PTPRZ1: variants seen among roughly 807,000 people sequenced by gnomAD.
PTPRZ1 encodes the protein receptor-type tyrosine-protein phosphatase zeta.
PTPRZ1 carries 82 observed loss-of-function variants against 214.1 expected under a neutral mutation model. That is an observed-to-expected ratio of 0.38 (90% CI 0.32 to 0.46). The LOEUF is 0.46. PTPRZ1 is among the 20% of genes least tolerant of loss of function. PTPRZ1 has a pLI of 1.00. For synonymous variants in PTPRZ1, 945 were observed against 987.9 expected, an observed-to-expected ratio of 0.96 and a Z score of 0.81; for missense variants, 2,603 against 2,748.7, an observed-to-expected ratio of 0.95 and a Z score of 1.19.
intron 4 of PTPRZ1, 137 bp from the exon 5 acceptor site, chr7:121,976,036 G>A: frequency 2.0e-6 from 1 of 506,108 alleles, no homozygotes; most frequent in Non-Finnish European, 3.4e-6. Context: ...CTTATTGAAG[G>A]ATGGTAAATG....
chr7:121,917,699 A>G (rs906034781), intron 1 of PTPRZ1, among the ~76,000 whole-genome samples: 2 of 152,182 alleles, frequency 1.3e-5, no homozygotes, highest in Non-Finnish European at 2.9e-5. Context: ...GTAAAAATAT[A>G]TATCCCTATT....
chr7:121,936,877 C>T lies in PTPRZ1; in HGVS notation c.124+8656C>T, dbSNP rs1273451246. ...GCAGAGTCAGGAGCTTGTGAAATTA[C>T]AGTGGCAAACAGAAACGAGCAAACA... On this transcript the variant is annotated intron_variant, in intron 2 of 29. Transcript: ENST00000393386. Among the ~76,000 whole-genome samples, 11 of 152,202 alleles carry T rather than the reference C, an allele frequency of 7.2e-5. No individual in the cohort carries two copies. In the East Asian group the frequency reaches 2.1e-3, roughly 29 times the overall value.
At chr7:121,883,887 A>C (rs1406916549) in intron 1 of PTPRZ1, among the ~76,000 whole-genome samples, 2 of 152,168 alleles carry the variant, frequency 1.3e-5, no homozygotes, top group African/African-American at 4.8e-5. Flanking sequence ...CGGCCTCCCA[A>C]AGTGCTGGGA....
Position 122,011,208 on chromosome 7 carries a change from C to G in PTPRZ1, c.2162C>G (p.Thr721Ser). The change falls in exon 12 of 30, where the codon ACT (threonine) becomes AGT (serine). Residue 721 changes from threonine to serine, a missense_variant. Around this residue, in one of 6 missense-constraint regions of PTPRZ1, gnomAD observed 1,913 missense variants for 1,914.3 expected, o/e 1.00. Coordinates refer to ENST00000393386, the MANE Select transcript of PTPRZ1 (RefSeq NM_002851.3). ...PHYSTFAYFP[T>S]EVTPHAFTPS... ...TATTCTACCTTTGCCTACTTCCCAA[C>G]TGAGGTAACACCTCATGCTTTTACC... 1 of 1,614,138 alleles carries G rather than the reference C, an allele frequency of 6.2e-7. No individual in the cohort carries two copies. The highest frequency in any genetic ancestry group is 1.1e-5 in the South Asian group (1 of 91,082).
intron 6 of PTPRZ1, among the ~76,000 whole-genome samples, chr7:121,977,435 AGAG>A (rs1329021872): frequency 3.9e-5 from 6 of 152,222 alleles, no homozygotes; most frequent in African/African-American, 1.4e-4. Context: ...CAACATGGGC[AGAG>A]GAGTGTAAGC....
chr7:121,960,204 A>C (rs1796833725), intron 2 of PTPRZ1, among the ~76,000 whole-genome samples: 2 of 151,972 alleles, frequency 1.3e-5, no homozygotes, highest in South Asian at 4.2e-4. Flanking sequence ...ACGCCTGGCT[A>C]ATTTTTTTGT....
intron 1 of PTPRZ1, among the ~76,000 whole-genome samples, chr7:121,903,559 A>G (rs1165867659): frequency 6.6e-6 from 1 of 152,210 alleles, no homozygotes; most frequent in Non-Finnish European, 1.5e-5. Flanking sequence ...AATCAATGGA[A>G]TATAAATATG....
chr7:121,944,698 A>C (rs913771837), intron 2 of PTPRZ1, among the ~76,000 whole-genome samples: 4 of 151,660 alleles, frequency 2.6e-5, no homozygotes, highest in African/African-American at 9.7e-5. Context: ...GCTGGAGTGC[A>C]GTGGGGTGAT....
Position 122,042,740 on chromosome 7 carries a change from T to C in PTPRZ1, c.5934T>C (p.Thr1978=). 1.2e-6 allele frequency: 2 copies of C among 1,609,670 alleles called. No individual in the cohort carries two copies. The highest frequency in any genetic ancestry group is 1.7e-5 in the Admixed American group (1 of 59,836). The change falls in exon 22 of 30, where the codon ACT becomes ACC. Residue 1978 remains threonine (T), a synonymous_variant. Coordinates refer to ENST00000393386, the MANE Select transcript of PTPRZ1 (RefSeq NM_002851.3). ...IRSQRNYLVQ[T]EEQYVFIHDT... Reference sequence around the variant, plus strand: ...CACAAAGAAATTATTTGGTACAAACTGAGGTATGATTTTTAAAAAGATGAT... The same window carrying C: ...CACAAAGAAATTATTTGGTACAAACCGAGGTATGATTTTTAAAAAGATGAT...
intron 15 of PTPRZ1, among the ~76,000 whole-genome samples, chr7:122,032,454 G>A (rs1799408634): frequency 6.6e-6 from 1 of 152,148 alleles, no homozygotes; most frequent in South Asian, 2.1e-4. Context: ...TAAGCAGGAA[G>A]GCTGTCTTCA....
At position 122,061,393 on chromosome 7, in the gene PTPRZ1, C is replaced by A; in HGVS notation, c.*173C>A. 2.2e-6 allele frequency: 1 copy of A among 448,918 alleles called. No homozygotes were observed. The allele number at this position is 448,918 out of a possible 1,614,324, so 27.8% of individuals were successfully genotyped here. A position where few individuals can be genotyped will look rare whatever the true frequency, so the allele number is the denominator to read the frequency against. ...ATCATTAACAATGTGTGCCTTTTTGCAAGACTTGTAATTTACTTATTATGT... is the reference window on the plus strand; with the variant it reads ...ATCATTAACAATGTGTGCCTTTTTGAAAGACTTGTAATTTACTTATTATGT... On this transcript the variant is annotated 3_prime_UTR_variant, in exon 30 of 30. Coordinates refer to ENST00000393386, the MANE Select transcript of PTPRZ1 (RefSeq NM_002851.3).
chr7:122,044,876 T>C (rs1799839147), intron 23 of PTPRZ1, among the ~76,000 whole-genome samples: 1 of 151,864 alleles, frequency 6.6e-6, no homozygotes, highest in Admixed American at 6.6e-5. Context: ...AAACATACTA[T>C]ATAAGTGCTC....
At chr7:121,979,877 G>T (rs942591825) in intron 6 of PTPRZ1, among the ~76,000 whole-genome samples, 1 of 152,096 alleles carries the variant, frequency 6.6e-6, no homozygotes, top group South Asian at 2.1e-4. Flanking sequence ...GTGAAATTTT[G>T]TTAGAAGAAA....
chr7:122,013,919 G>A (rs1281608496), intron 12 of PTPRZ1, 30 bp downstream of exon 12: 3 of 1,510,980 alleles, frequency 2.0e-6, no homozygotes, highest in Admixed American at 2.2e-5. Context: ...GACAGATTGA[G>A]GTGTGGTGGT....
At chr7:121,953,258 T>C (rs1425771277) in intron 2 of PTPRZ1, among the ~76,000 whole-genome samples, 1 of 152,220 alleles carries the variant, frequency 6.6e-6, no homozygotes, top group African/African-American at 2.4e-5. Flanking sequence ...TTAGACTGTT[T>C]GTTACAAATT....
At chr7:121,885,647 A>G (rs1245867646) in intron 1 of PTPRZ1, among the ~76,000 whole-genome samples, 2 of 152,180 alleles carry the variant, frequency 1.3e-5, no homozygotes, top group Non-Finnish European at 2.9e-5. Flanking sequence ...AGATGCTTCC[A>G]TGTTTCTCAA....
chr7:121,965,913 AG>A (rs1490902580), intron 2 of PTPRZ1, among the ~76,000 whole-genome samples: 3 of 152,232 alleles, frequency 2.0e-5, no homozygotes, highest in Non-Finnish European at 4.4e-5. Context: ...AGACTTCATA[AG>A]GCTATAATAG....
intron 21 of PTPRZ1, among the ~76,000 whole-genome samples, chr7:122,041,671 G>A (rs1482748814): frequency 6.6e-6 from 1 of 152,148 alleles, no homozygotes; most frequent in East Asian, 1.9e-4. Context: ...TGCTGACTGT[G>A]TGCCAAGCCT....
Position 122,019,126 on chromosome 7 carries a change from G to A in PTPRZ1, c.4846G>A (p.Ala1616Thr). The A allele has an allele frequency of 6.2e-7, 1 of 1,609,906 alleles. No homozygotes were observed. Residue 1616 changes from alanine (A) to threonine (T), a missense_variant and splice_region_variant, in exon 13 of 30, where the codon GCC becomes ACC. Around this residue, in one of 6 missense-constraint regions of PTPRZ1, gnomAD observed 1,913 missense variants for 1,914.3 expected, o/e 1.00. Coordinates refer to ENST00000393386, the MANE Select transcript of PTPRZ1 (RefSeq NM_002851.3). The stretch of plus-strand genomic sequence containing the variant: ...CTCTCAATTTTCTCTGACTACAGAG[G>A]CCAGTAATAGTAGCCATGAGTCTCG... ...SEVFHVSEAE[A>T]SNSSHESRIG...
Sources: gnomAD v4.1 joint callset for allele counts (sites outside exome capture counted in the v4.1 genomes callset) on GRCh38, gnomAD v4.1.1 for gene constraint, gnomAD v4.1.1 regional missense constraint, MANE v1.5 for transcripts, NCBI Gene and HGNC (gene_info 2026-07-23, HGNC 2026-07-21) for gene names.